KANK1: variants seen among roughly 807,000 people sequenced by gnomAD.
The protein encoded by KANK1 is KN motif and ankyrin repeat domain-containing protein 1.
KANK1 carries 109 observed loss-of-function variants against 106.2 expected under a neutral mutation model. The ratio of observed to expected loss-of-function variants is 1.03; its 90% CI spans 0.88 to 1.20. The LOEUF is 1.20. Ranked by LOEUF, KANK1 falls within the 50% of genes most tolerant of loss-of-function variation. The probability of loss-of-function intolerance (pLI) is 0.00; values close to 1 mark genes in which losing one functional copy is unlikely to be tolerated. For synonymous variants in KANK1, 873 were observed against 652.2 expected, an observed-to-expected ratio of 1.34 and a Z score of -5.16; for missense variants, 2,399 against 1,710.7, an observed-to-expected ratio of 1.40 and a Z score of -7.10.
At chr9:513,585 C>T (rs1379280151) in intron 1 of KANK1, among the ~76,000 whole-genome samples, 2 of 152,154 alleles carry the variant, frequency 1.3e-5, no homozygotes, top group Admixed American at 6.5e-5. Context: ...GCAGATATAA[C>T]CTCTTTTGAT....
chr9:693,923 A>T (rs907110954), intron 2 of KANK1: 2 of 693,024 alleles, frequency 2.9e-6, no homozygotes, highest in Non-Finnish European at 3.5e-6. Context: ...ATAACCCAGT[A>T]CTTGATTTTT....
chr9:712,117 G>A lies in KANK1; in HGVS notation c.1351G>A (p.Ala451Thr), dbSNP rs750063207. 6.2e-7 allele frequency: 1 copy of A among 1,614,142 alleles called. No individual in the cohort carries two copies. Among genetic ancestry groups the A allele is most frequent in the Non-Finnish European group, 8.5e-7 (1 of 1,180,034 alleles). The change falls in exon 3 of 12, where the codon GCT (alanine) becomes ACT (threonine). Residue 451 changes from alanine (A) to threonine (T), a missense_variant. Transcript: ENST00000382297. ...GGCCATGCTTGGAGTGATGACTGAAGCTGACAAAGAAATTGAGCTGCAACA... is the reference window on the plus strand; with the variant it reads ...GGCCATGCTTGGAGTGATGACTGAAACTGACAAAGAAATTGAGCTGCAACA... ...TEAMLGVMTE[A>T]DKEIELQQQT... is the part of the protein sequence containing the mutation.
chr9:610,160 C>T (rs1390886417), intron 1 of KANK1, among the ~76,000 whole-genome samples: 1 of 151,980 alleles, frequency 6.6e-6, no homozygotes, highest in Non-Finnish European at 1.5e-5. Flanking sequence ...TACTTCCTTG[C>T]GATAAGTTCA....
rs774134555 is a variant in KANK1 at position 745,266 on chromosome 9, C to T, written c.*31C>T. 3.1e-6 allele frequency: 5 copies of T among 1,612,770 alleles called. No homozygotes were observed. Among genetic ancestry groups the T allele is most frequent in the South Asian group, 2.2e-5 (2 of 91,012 alleles). ...TGCAAATAGCCCTTTATTTACATGC[C>T]ACTATTAAGCTGCTAATTGTTCCTG... On this transcript the variant is annotated 3_prime_UTR_variant, in exon 12 of 12. Transcript: ENST00000382297.
intron 3 of KANK1, among the ~76,000 whole-genome samples, chr9:490,956 G>A (rs1356493220): frequency 1.4e-5 from 2 of 138,360 alleles, no homozygotes; most frequent in Non-Finnish European, 3.0e-5. Flanking sequence ...GGGCTAAAGT[G>A]GCTTTTTTTT....
chr9:498,299 T>G (rs1401735873), intron 3 of KANK1, among the ~76,000 whole-genome samples: 1 of 152,142 alleles, frequency 6.6e-6, no homozygotes, highest in Admixed American at 6.5e-5. Flanking sequence ...GGGGTGAAAC[T>G]CGGAACCAGG....
intron 1 of KANK1, among the ~76,000 whole-genome samples, chr9:605,443 CT>C (rs1828863377): frequency 6.6e-6 from 1 of 151,764 alleles, no homozygotes; most frequent in African/African-American, 2.4e-5. Flanking sequence ...TCAGGAAGGG[CT>C]TCCTGGAGGA....
chr9:712,148 C>T lies in KANK1; in HGVS notation c.1382C>T (p.Thr461Ile). 1 of 1,614,082 alleles carries T rather than the reference C, an allele frequency of 6.2e-7. No homozygotes were observed. The highest frequency in any genetic ancestry group is 8.5e-7 in the Non-Finnish European group (1 of 1,180,028). ...ADKEIELQQQ[T>I]IESLKEKIYR... ...AAAGAAATTGAGCTGCAACAGCAGA[C>T]CATAGAATCCTTGAAGGAAAAGATC... The change falls in exon 3 of 12, where the codon ACC becomes ATC. Residue 461 changes from threonine (T) to isoleucine (I), a missense_variant. Coordinates refer to ENST00000382297, the MANE Select transcript of KANK1 (RefSeq NM_015158.5).
At chr9:737,385 G>C (rs938240504) in intron 7 of KANK1, among the ~76,000 whole-genome samples, 2 of 152,166 alleles carry the variant, frequency 1.3e-5, no homozygotes, top group Non-Finnish European at 2.9e-5. Context: ...GACATAGGCT[G>C]TCTTTCTTTG....
intron 1 of KANK1, among the ~76,000 whole-genome samples, chr9:629,132 A>G (rs575543818): frequency 6.6e-6 from 1 of 152,048 alleles, no homozygotes; most frequent in South Asian, 2.1e-4. Flanking sequence ...TGTAGTATGT[A>G]AAATAATGTA....
At chr9:741,707 T>C (rs900242125) in intron 9 of KANK1, among the ~76,000 whole-genome samples, 29 of 152,168 alleles carry the variant, frequency 1.9e-4, no homozygotes, top group African/African-American at 6.7e-4. Context: ...CAGGATGGTC[T>C]TGATCTCCTG....
chr9:657,033 A>ACT (rs150877183), intron 1 of KANK1, among the ~76,000 whole-genome samples: 10,089 of 151,846 alleles, frequency 0.066, 412 homozygotes, highest in African/African-American at 0.11. Context: ...TCATCAAACA[A>ACT]CTCTGTTTCC....
chr9:712,016 G>T lies in KANK1; in HGVS notation c.1250G>T (p.Arg417Ile). Residue 417 changes from arginine (R) to isoleucine (I), a missense_variant, in exon 3 of 12, where the codon AGA becomes ATA. By Grantham distance (97) the Arg-to-Ile change is moderately conservative. Transcript: ENST00000382297. Reference sequence around the variant, plus strand: ...ATGAACGACATCGTCGTGTACCACAGAGGCTCCAGGTCCTGTAAGGATGCA... The same window carrying T: ...ATGAACGACATCGTCGTGTACCACATAGGCTCCAGGTCCTGTAAGGATGCA... ...ENMNDIVVYH[R>I]GSRSCKDAAV... 2 of 1,614,140 alleles carry T rather than the reference G, an allele frequency of 1.2e-6. 1 individual carries two copies.
At chr9:660,808 C>T (rs1378311820) in intron 1 of KANK1, among the ~76,000 whole-genome samples, 4 of 152,166 alleles carry the variant, frequency 2.6e-5, no homozygotes, top group African/African-American at 9.7e-5. Flanking sequence ...GTGTCTATAA[C>T]CTGACCAGGT....
At chr9:743,280 A>AAAAACCAG (rs1836183656) in intron 10 of KANK1, among the ~76,000 whole-genome samples, 2 of 152,282 alleles carry the variant, frequency 1.3e-5, no homozygotes, top group Admixed American at 6.5e-5. Context: ...CAGTAGGGAG[A>AAAAACCAG]AAAACCAGCG....
At chr9:738,190 A>G (rs1489857969) in intron 7 of KANK1, 95 bp from the exon 8 acceptor site, 1 of 1,004,292 alleles carries the variant, frequency 1.0e-6, no homozygotes, top group Admixed American at 2.3e-5. Context: ...GCATATATAT[A>G]CTTTGACTAT....
At chr9:628,747 G>A (rs891131675) in intron 1 of KANK1, among the ~76,000 whole-genome samples, 1 of 152,046 alleles carries the variant, frequency 6.6e-6, no homozygotes, top group African/African-American at 2.4e-5. Context: ...GTGGCCATTT[G>A]GTTCCCTGGA....
chr9:521,569 T>A (rs2059553965), intron 1 of KANK1, among the ~76,000 whole-genome samples: 1 of 148,636 alleles, frequency 6.7e-6, no homozygotes, highest in Non-Finnish European at 1.5e-5. Context: ...CAGATTCTTT[T>A]TTTTTTTTTT....
intron 2 of KANK1, among the ~76,000 whole-genome samples, chr9:682,082 C>G (rs1243252369): frequency 6.6e-6 from 1 of 151,980 alleles, no homozygotes; most frequent in African/African-American, 2.4e-5. Context: ...GAGCTCGAGA[C>G]CAGCCTGGCC....
Sources: allele counts gnomAD v4.1 joint callset (sites outside exome capture counted in the v4.1 genomes callset), GRCh38; gene constraint gnomAD v4.1.1; transcripts MANE v1.5; gene names NCBI Gene and HGNC (gene_info 2026-07-23, HGNC 2026-07-21).